ACYP2: variants seen among roughly 807,000 people sequenced by gnomAD.
The protein encoded by ACYP2 is acylphosphatase-2.
ACYP2 carries 12 observed loss-of-function variants against 11.2 expected under a neutral mutation model. That is an observed-to-expected ratio of 1.08 (90% CI 0.69 to 1.74). The LOEUF is 1.74. ACYP2 is among the 40% of genes most tolerant of loss of function. The pLI, the probability that ACYP2 is intolerant of heterozygous loss-of-function variation, is 0.00. For synonymous variants in ACYP2, 43 were observed against 32.2 expected (o/e 1.33, Z -1.13); for missense variants, 134 against 101.9 (o/e 1.31, Z -1.35).
At chr2:54,147,531 T>G (rs1681951397) in intron 6 of ACYP2, among the ~76,000 whole-genome samples, 1 of 152,138 alleles carries the variant, frequency 6.6e-6, no homozygotes, top group Admixed American at 6.5e-5. Flanking sequence ...TTTCCTTCTT[T>G]CTTTTTGTTT....
Position 54,138,680 on chromosome 2 carries a change from G to C in ACYP2, c.336G>C (p.Trp112Cys). ...CTAGGAAAATAGGAGTGGTTGGCTG[G>C]GTGAAGAATACCAGCAAAGGCACCG... The change falls in exon 6 of 7, where the codon TGG becomes TGC. Residue 112 changes from tryptophan to cysteine, a missense_variant. Physicochemically the swap from Trp to Cys is radical, Grantham distance 215. Coordinates refer to ENST00000607452, the MANE Select transcript of ACYP2 (RefSeq NM_001320586.2). The C allele has an allele frequency of 1.2e-6, 2 of 1,614,104 alleles. No homozygotes were observed. The highest frequency in any genetic ancestry group is 1.7e-6 in the Non-Finnish European group (2 of 1,180,000).
intron 6 of ACYP2, among the ~76,000 whole-genome samples, chr2:54,190,824 T>C (rs527598777): frequency 4.6e-5 from 7 of 152,286 alleles, no homozygotes; most frequent in African/African-American, 1.7e-4. Flanking sequence ...TTAAACTTAG[T>C]GTGTTCAAAA....
At chr2:54,092,341 G>C (rs1678279617) in intron 4 of ACYP2, among the ~76,000 whole-genome samples, 1 of 152,188 alleles carries the variant, frequency 6.6e-6, no homozygotes, top group Non-Finnish European at 1.5e-5. Flanking sequence ...TCTGCTTCAT[G>C]GTGGGACAGA....
chr2:54,054,853 G>T (rs555748650), intron 3 of ACYP2, among the ~76,000 whole-genome samples: 3 of 152,222 alleles, frequency 2.0e-5, no homozygotes, highest in African/African-American at 7.2e-5. Context: ...AATCTAATGA[G>T]GTAGATATTA....
intron 6 of ACYP2, among the ~76,000 whole-genome samples, chr2:54,275,071 G>C (rs374455397): frequency 1.3e-3 from 188 of 141,358 alleles, no homozygotes; most frequent in African/African-American, 5.1e-3. Context: ...AGGTATAAAA[G>C]AAGAAAAAAA....
At chr2:54,169,420 C>T (rs1196689908) in intron 6 of ACYP2, among the ~76,000 whole-genome samples, 1 of 152,064 alleles carries the variant, frequency 6.6e-6, no homozygotes, top group Non-Finnish European at 1.5e-5. Context: ...TTGGATCCTA[C>T]ATCAAAAAAT....
At chr2:54,107,119 C>T (rs1202417279) in intron 4 of ACYP2, among the ~76,000 whole-genome samples, 2 of 152,062 alleles carry the variant, frequency 1.3e-5, no homozygotes, top group East Asian at 3.9e-4. Flanking sequence ...AACTGCCTTG[C>T]CTTGGGTAGA....
At chr2:54,131,151 T>A (rs908236367) in intron 4 of ACYP2, among the ~76,000 whole-genome samples, 9 of 152,260 alleles carry the variant, frequency 5.9e-5, no homozygotes, top group African/African-American at 2.2e-4. Context: ...AAGTCAATAA[T>A]CAATGTTTAA....
chr2:54,078,422 C>A (rs1047176511), intron 4 of ACYP2, among the ~76,000 whole-genome samples: 1 of 72,776 alleles, frequency 1.4e-5, no homozygotes. Flanking sequence ...ATATATGGTA[C>A]GCATATATAT....
At chr2:54,223,800 C>T (rs901272509) in intron 6 of ACYP2, among the ~76,000 whole-genome samples, 1 of 152,140 alleles carries the variant, frequency 6.6e-6, no homozygotes, top group Admixed American at 6.5e-5. Flanking sequence ...AGCAACTTGG[C>T]AGACATTGGT....
chr2:54,109,660 A>C (rs1161325344), intron 4 of ACYP2, among the ~76,000 whole-genome samples: 2 of 152,214 alleles, frequency 1.3e-5, no homozygotes, highest in Non-Finnish European at 2.9e-5. Flanking sequence ...AAATGTTATT[A>C]TGAAAACATA....
chr2:54,099,250 G>A (rs559287490), intron 4 of ACYP2, among the ~76,000 whole-genome samples: 81 of 152,240 alleles, frequency 5.3e-4, no homozygotes, highest in Non-Finnish European at 6.5e-4. Flanking sequence ...GCTAATTAAC[G>A]TATGCATTAC....
intron 6 of ACYP2, among the ~76,000 whole-genome samples, chr2:54,266,591 T>A (rs1352320989): frequency 1.8e-4 from 1 of 5,460 alleles, no homozygotes; most frequent in Non-Finnish European, 3.7e-4. Flanking sequence ...TCTATCTATC[T>A]TTTTTTTTTT....
chr2:54,273,968 A>G (rs1303380789), intron 6 of ACYP2, among the ~76,000 whole-genome samples: 1 of 152,198 alleles, frequency 6.6e-6, no homozygotes, highest in Non-Finnish European at 1.5e-5. Context: ...AAAAACCACC[A>G]TTATATTGAG....
chr2:54,068,630 T>C (rs1427199355), intron 4 of ACYP2, among the ~76,000 whole-genome samples: 1 of 152,244 alleles, frequency 6.6e-6, no homozygotes, highest in Non-Finnish European at 1.5e-5. Context: ...TGTTGGATAT[T>C]ATGAGATGTC....
intron 4 of ACYP2, among the ~76,000 whole-genome samples, chr2:54,125,469 G>A (rs1286210703): frequency 6.6e-6 from 1 of 152,140 alleles, no homozygotes; most frequent in Admixed American, 6.5e-5. Flanking sequence ...CTAATTTTTG[G>A]CCAGGCACGG....
intron 6 of ACYP2, among the ~76,000 whole-genome samples, chr2:54,294,248 C>A (rs975962275): frequency 8.5e-5 from 13 of 152,132 alleles, no homozygotes; most frequent in African/African-American, 2.4e-5. Context: ...TTTTATATCA[C>A]CCCAGGAGCT....
chr2:54,278,895 G>T (rs1020205504), intron 6 of ACYP2, among the ~76,000 whole-genome samples: 1 of 152,202 alleles, frequency 6.6e-6, no homozygotes, highest in Non-Finnish European at 1.5e-5. Context: ...CTGAGGTTGT[G>T]TTCTCAGAAA....
At chr2:54,088,154 G>C (rs1449987112) in intron 4 of ACYP2, among the ~76,000 whole-genome samples, 1 of 152,152 alleles carries the variant, frequency 6.6e-6, no homozygotes, top group Non-Finnish European at 1.5e-5. Context: ...TCTTCTAGTG[G>C]AGCCAAAAGC....
Sources: gnomAD v4.1 joint callset for allele counts (sites outside exome capture counted in the v4.1 genomes callset) on GRCh38, gnomAD v4.1.1 for gene constraint, MANE v1.5 for transcripts, NCBI Gene and HGNC (gene_info 2026-07-23, HGNC 2026-07-21) for gene names.